Variants in ALCAM observed in about 807,000 individuals in gnomAD.
ALCAM encodes the protein activated leukocyte cell adhesion molecule.
In ALCAM, 30 loss-of-function variants were observed where a neutral mutation model predicts 70.9. The observed-to-expected ratio is 0.42, with a 90% CI of 0.32 to 0.57. The LOEUF is 0.57. ALCAM is among the 20% of genes least tolerant of loss of function. The pLI is 0.11. For synonymous variants in ALCAM, 249 were observed against 242.5 expected, an observed-to-expected ratio of 1.03 and a Z score of -0.25; for missense variants, 591 against 695.1, an observed-to-expected ratio of 0.85 and a Z score of 1.68.
At chr3:105,461,767 A>G (rs1214984864) in intron 1 of ALCAM, among the ~76,000 whole-genome samples, 6 of 151,736 alleles carry the variant, frequency 4.0e-5, no homozygotes, top group African/African-American at 1.2e-4. Context: ...ACCACCTCCT[A>G]TTTGATCTTG....
chr3:105,436,296 A>T (rs1399164704), intron 1 of ALCAM, among the ~76,000 whole-genome samples: 1 of 152,148 alleles, frequency 6.6e-6, no homozygotes, highest in Non-Finnish European at 1.5e-5. Context: ...GCAGGGATTA[A>T]AATCCATCCA....
chr3:105,402,702 G>A (rs2107374671), intron 1 of ALCAM, among the ~76,000 whole-genome samples: 1 of 152,076 alleles, frequency 6.6e-6, no homozygotes, highest in East Asian at 1.9e-4. Context: ...AGTTATAACT[G>A]CACCCCCATC....
chr3:105,370,143 G>C (rs532284429), intron 1 of ALCAM, among the ~76,000 whole-genome samples: 32 of 152,134 alleles, frequency 2.1e-4, no homozygotes, highest in Non-Finnish European at 3.4e-4. Flanking sequence ...CACACATAAA[G>C]CTTTCTTCAG....
At chr3:105,368,263 G>GAGAGAGAGAGAAAA (rs1412428456) in intron 1 of ALCAM, among the ~76,000 whole-genome samples, 1 of 143,340 alleles carries the variant, frequency 7.0e-6, no homozygotes, top group African/African-American at 2.5e-5. Context: ...GAGAGAGAGA[G>GAGAGAGAGAGAAAA]AAAAGGCAAA....
Position 105,565,909 on chromosome 3 carries a change from A to G in ALCAM, c.1665-5943A>G, listed in dbSNP as rs547374424. Among the ~76,000 whole-genome samples, 30 of 152,260 alleles carry G rather than the reference A, an allele frequency of 2.0e-4. No individual in the cohort carries two copies. In the South Asian group the frequency reaches 5.8e-3, roughly 29 times the overall value. ...CATCATCTCCTTCCAGCCAAGTATG[A>G]TTTCTGCCTTCTCAACTCAGTGAAA... On this transcript the variant is annotated intron_variant, in intron 14 of 15. Coordinates refer to ENST00000306107, the MANE Select transcript of ALCAM (RefSeq NM_001627.4).
chr3:105,470,370 G>T (rs1312288198), intron 1 of ALCAM, among the ~76,000 whole-genome samples: 1 of 151,032 alleles, frequency 6.6e-6, no homozygotes, highest in African/African-American at 2.4e-5. Flanking sequence ...AACACATATG[G>T]TAAATTATTC....
intron 3 of ALCAM, among the ~76,000 whole-genome samples, chr3:105,529,243 A>G (rs12630003): frequency 0.31 from 47,104 of 152,164 alleles, 8,003 homozygotes; most frequent in East Asian, 0.54. Context: ...AAGAAGACTC[A>G]GAAGCAAAAT....
chr3:105,571,883 G>C lies in ALCAM; in HGVS notation c.1696G>C (p.Gly566Arg). 1 of 1,612,794 alleles carries C rather than the reference G, an allele frequency of 6.2e-7. No individual in the cohort carries two copies. The highest frequency in any genetic ancestry group is 8.5e-7 in the Non-Finnish European group (1 of 1,179,216). Residue 566 changes from glycine (G) to arginine (R), a missense_variant, in exon 15 of 16, where the codon GGT (glycine) becomes CGT (arginine). Coordinates refer to ENST00000306107, the MANE Select transcript of ALCAM (RefSeq NM_001627.4). ...TASKHVNKDL[G>R]NMEENKKLEE... ...ATCAAAACATGTAAACAAGGACCTC[G>C]GTAATATGGAAGAAAACAAAAAGTT...
intron 1 of ALCAM, among the ~76,000 whole-genome samples, chr3:105,419,300 C>T (rs1316088745): frequency 5.9e-5 from 9 of 151,674 alleles, no homozygotes; most frequent in South Asian, 4.1e-4. Flanking sequence ...TTCTGAGTCA[C>T]GTTCAGATTG....
chr3:105,465,373 T>A (rs1010363331), intron 1 of ALCAM, among the ~76,000 whole-genome samples: 1 of 151,478 alleles, frequency 6.6e-6, no homozygotes, highest in African/African-American at 2.4e-5. Context: ...AGACATGATT[T>A]AGTCAATGTT....
intron 1 of ALCAM, among the ~76,000 whole-genome samples, chr3:105,482,200 T>C (rs1938292721): frequency 1.3e-5 from 2 of 152,088 alleles, no homozygotes; most frequent in African/African-American, 4.8e-5. Flanking sequence ...GCAACCTCTG[T>C]CTCCTGGGTT....
intron 1 of ALCAM, among the ~76,000 whole-genome samples, chr3:105,495,200 T>C (rs1576200939): frequency 6.6e-6 from 1 of 152,216 alleles, no homozygotes; most frequent in Admixed American, 6.5e-5. Flanking sequence ...GTGGACTCTT[T>C]GGCACTGCAT....
At chr3:105,552,427 G>T in intron 13 of ALCAM, 41 bp from the exon 14 acceptor site, 1 of 1,578,394 alleles carries the variant, frequency 6.3e-7, no homozygotes, top group Non-Finnish European at 8.7e-7. Context: ...AAAATCCTTG[G>T]CATTGTCTGT....
At chr3:105,493,265 A>T (rs890002490) in intron 1 of ALCAM, among the ~76,000 whole-genome samples, 1 of 152,170 alleles carries the variant, frequency 6.6e-6, no homozygotes, top group African/African-American at 2.4e-5. Flanking sequence ...ATAAGAATCT[A>T]TAGGGGTATG....
chr3:105,393,127 T>C (rs1409573412), intron 1 of ALCAM, among the ~76,000 whole-genome samples: 1 of 151,908 alleles, frequency 6.6e-6, no homozygotes, highest in Non-Finnish European at 1.5e-5. Context: ...TTTTTTCTTA[T>C]TTGTTACAAT....
chr3:105,437,053 T>G (rs889243263), intron 1 of ALCAM, among the ~76,000 whole-genome samples: 1 of 152,220 alleles, frequency 6.6e-6, no homozygotes, highest in Non-Finnish European at 1.5e-5. Flanking sequence ...CAAAAAATTC[T>G]TGTGTCCTTA....
chr3:105,552,305 G>T (rs62622023), intron 13 of ALCAM, 123 bp downstream of exon 13: 14,830 of 1,292,596 alleles, frequency 0.011, 132 homozygotes, highest in Middle Eastern at 0.019. Flanking sequence ...CCAAAGACAA[G>T]ATAGTAAGAA....
intron 3 of ALCAM, chr3:105,524,883 A>G: frequency 2.0e-6 from 2 of 991,266 alleles, no homozygotes; most frequent in Non-Finnish European, 2.4e-6. Context: ...TATATCACGC[A>G]TACATATACA....
chr3:105,488,656 G>A (rs764233952), intron 1 of ALCAM, among the ~76,000 whole-genome samples: 15 of 147,334 alleles, frequency 1.0e-4, no homozygotes, highest in Non-Finnish European at 1.8e-4. Flanking sequence ...AAGGATGGAA[G>A]GAAGGGGAAG....
Sources: allele counts gnomAD v4.1 joint callset (sites outside exome capture counted in the v4.1 genomes callset), GRCh38; gene constraint gnomAD v4.1.1; transcripts MANE v1.5; gene names NCBI Gene and HGNC (gene_info 2026-07-23, HGNC 2026-07-21).